Variants in DISC1 observed in about 807,000 individuals in gnomAD.
DISC1 encodes DISC1 scaffold protein.
A neutral mutation model predicts 84.5 loss-of-function variants in DISC1; 57 were observed. That is an observed-to-expected ratio of 0.67 (90% confidence interval 0.55 to 0.84). DISC1 has a LOEUF of 0.84. DISC1 is among the 40% of genes least tolerant of loss of function. The pLI, the probability that DISC1 is intolerant of heterozygous loss-of-function variation, is 0.00. For missense variants in DISC1, 1,000 were observed against 1,057.8 expected (o/e 0.95, Z 0.76); for synonymous variants, 411 against 415.2 (o/e 0.99, Z 0.12).
chr1:231,678,068 A>G (rs2063331837), intron 1 of DISC1, among the ~76,000 whole-genome samples: 1 of 152,210 alleles, frequency 6.6e-6, no homozygotes, highest in African/African-American at 2.4e-5. Context: ...TAATGATGAG[A>G]TTAGTCATCT....
intron 9 of DISC1, among the ~76,000 whole-genome samples, chr1:231,880,252 G>A (rs1407767174): frequency 6.6e-6 from 1 of 152,106 alleles, no homozygotes; most frequent in African/African-American, 2.4e-5. Context: ...ACAGCAAGAA[G>A]GCTCTCACCA....
At chr1:231,972,848 GA>G (rs1558796470) in intron 10 of DISC1, among the ~76,000 whole-genome samples, 1 of 152,094 alleles carries the variant, frequency 6.6e-6, no homozygotes, top group Non-Finnish European at 1.5e-5. Flanking sequence ...TAAGGTTTAG[GA>G]AAAAGCAAAT....
chr1:231,673,051 G>T (rs2062775886), intron 1 of DISC1, among the ~76,000 whole-genome samples: 1 of 152,172 alleles, frequency 6.6e-6, no homozygotes, highest in African/African-American at 2.4e-5. Context: ...GAGTGCAGGG[G>T]GACTCCCTGG....
chr1:231,662,088 C>T (rs978889140), intron 1 of DISC1, among the ~76,000 whole-genome samples: 9 of 152,170 alleles, frequency 5.9e-5, no homozygotes, highest in Non-Finnish European at 1.0e-4. Flanking sequence ...GTGAAGGCTG[C>T]AAAACAGCAA....
intron 9 of DISC1, among the ~76,000 whole-genome samples, chr1:231,882,820 A>C (rs2086391822): frequency 6.6e-6 from 1 of 152,000 alleles, no homozygotes. Flanking sequence ...GAATGGCCTG[A>C]AATGTGTGGA....
rs771557495 is a variant in DISC1, at chr1:231,694,258, G to C, written c.500G>C (p.Gly167Ala). The change falls in exon 2 of 13, where the codon GGA becomes GCA. Residue 167 changes from glycine (G) to alanine (A), a missense_variant. By Grantham distance (60) the Gly-to-Ala change is moderately conservative. Transcript: ENST00000439617. ...DASWEAACSD[G>A]ARRVRAAGSL... ...AGCTGGGAGGCAGCCTGCAGCGATGGAGCAAGGCGTGTCCGGGCAGCAGGC... is the reference window on the plus strand; with the variant it reads ...AGCTGGGAGGCAGCCTGCAGCGATGCAGCAAGGCGTGTCCGGGCAGCAGGC... 2.5e-6 allele frequency: 4 copies of C among 1,614,130 alleles called. No individual in the cohort carries two copies. Among genetic ancestry groups the C allele is most frequent in the African/African-American group, 1.3e-5 (1 of 74,956 alleles).
intron 1 of DISC1, among the ~76,000 whole-genome samples, chr1:231,649,352 T>C (rs1158640323): frequency 6.6e-6 from 1 of 152,226 alleles, no homozygotes; most frequent in Non-Finnish European, 1.5e-5. Flanking sequence ...TCAGTTTCCA[T>C]GTAGTTGTGC....
At position 231,864,561 on chromosome 1, in the gene DISC1, G is replaced by A. The variant is rs201025640; in HGVS notation, c.1981+46044G>A. On this transcript the variant is annotated intron_variant, in intron 9 of 12. Transcript: ENST00000439617. ...GCCTGTAATCCCAGCTACGCAGGAC[G>A]CTGAGGCAGGAGAATGACATGAACC... Among the ~76,000 whole-genome samples, 12 of 152,244 alleles carry A rather than the reference G, an allele frequency of 7.9e-5. No homozygotes were observed. The East Asian group carries it at 1.2e-3, about 15-fold the overall frequency.
intron 1 of DISC1, among the ~76,000 whole-genome samples, chr1:231,691,976 A>G (rs2065078409): frequency 6.6e-6 from 1 of 152,210 alleles, no homozygotes; most frequent in South Asian, 2.1e-4. Context: ...AAAGAAAGAA[A>G]AAAATGAAAT....
intron 1 of DISC1, 26 bp downstream of exon 1, chr1:231,626,960 G>A: frequency 6.8e-7 from 1 of 1,471,850 alleles, no homozygotes; most frequent in Non-Finnish European, 9.0e-7. Flanking sequence ...CAGAGTCCTA[G>A]CACGTCCTGG....
At chr1:231,726,177 T>C (rs1277746220) in intron 3 of DISC1, among the ~76,000 whole-genome samples, 1 of 152,174 alleles carries the variant, frequency 6.6e-6, no homozygotes, top group Admixed American at 6.5e-5. Context: ...TTCCATGTTA[T>C]GAACCAAGTG....
chr1:231,787,312 T>G (rs986872483), intron 6 of DISC1, among the ~76,000 whole-genome samples: 1 of 152,086 alleles, frequency 6.6e-6, no homozygotes, highest in African/African-American at 2.4e-5. Context: ...AGTCCAAGGT[T>G]GAGGGGCTTG....
chr1:231,841,909 C>T (rs200644202), intron 9 of DISC1, among the ~76,000 whole-genome samples: 91 of 152,292 alleles, frequency 6.0e-4, no homozygotes, highest in Non-Finnish European at 1.1e-3. Flanking sequence ...ACAGTAAAAA[C>T]GATGAAGATA....
chr1:231,960,280 A>T (rs1660204763), intron 10 of DISC1, among the ~76,000 whole-genome samples: 1 of 152,142 alleles, frequency 6.6e-6, no homozygotes, highest in African/African-American at 2.4e-5. Context: ...TTTGAGATGA[A>T]GTTTCGCTCA....
At chr1:231,811,839 ACT>A (rs2080331363) in intron 8 of DISC1, among the ~76,000 whole-genome samples, 1 of 152,144 alleles carries the variant, frequency 6.6e-6, no homozygotes, top group Admixed American at 6.5e-5. Flanking sequence ...GAACTCTGAA[ACT>A]CTGTGACCTT....
intron 9 of DISC1, among the ~76,000 whole-genome samples, chr1:231,853,456 A>G (rs907718417): frequency 2.0e-5 from 3 of 152,220 alleles, no homozygotes; most frequent in African/African-American, 7.2e-5. Context: ...GGCAATTGTC[A>G]CACTGTAAGT....
intron 4 of DISC1, among the ~76,000 whole-genome samples, chr1:231,761,236 T>G (rs1483035236): frequency 6.6e-6 from 1 of 152,190 alleles, no homozygotes; most frequent in Admixed American, 6.5e-5. Flanking sequence ...ACCCTGCATG[T>G]TTTTATTTCT....
chr1:231,633,258 T>C (rs984505174), intron 1 of DISC1, among the ~76,000 whole-genome samples: 31 of 152,236 alleles, frequency 2.0e-4, no homozygotes, highest in African/African-American at 7.2e-4. Flanking sequence ...GTATCACTTT[T>C]TGACTAAATT....
intron 10 of DISC1, among the ~76,000 whole-genome samples, chr1:231,967,274 C>T (rs554852663): frequency 6.6e-6 from 1 of 152,316 alleles, no homozygotes; most frequent in South Asian, 2.1e-4. Context: ...AAACTGCCAA[C>T]TGCTCTCAAT....
Sources: allele counts gnomAD v4.1 joint callset (sites outside exome capture counted in the v4.1 genomes callset), GRCh38; gene constraint gnomAD v4.1.1; transcripts MANE v1.5; gene names NCBI Gene and HGNC (gene_info 2026-07-23, HGNC 2026-07-21).